Variants in SF3B6 observed in about 807,000 individuals in gnomAD.
SF3B6 encodes SF3b 14 kDa subunit.
SF3B6 carries 3 observed loss-of-function variants against 15.9 expected under a neutral mutation model. The observed-to-expected ratio is 0.19, with a 90% CI of 0.09 to 0.49. The LOEUF is 0.49. SF3B6 is among the 20% of genes least tolerant of loss of function. SF3B6 has a pLI of 0.97. For synonymous variants in SF3B6, 49 were observed against 51.1 expected (o/e 0.96, Z 0.18); for missense variants, 71 against 154.3 (o/e 0.46, Z 2.86).
chr2:24,075,353 C>T (rs986148170), intron 1 of SF3B6, among the ~76,000 whole-genome samples: 50 of 90,788 alleles, frequency 5.5e-4, no homozygotes, highest in African/African-American at 1.8e-3. Context: ...TTCTTTCTTT[C>T]TTTCTGTTTT....
rs769672970 is a variant in SF3B6 at position 24,068,278 on chromosome 2, C to G, written c.288+43G>C. ...GCGCCCGGCCAGTTCTACACTAATT[C>G]TCAAATGAGATCACTACACAATGAG... On this transcript the variant is annotated intron_variant, in intron 3 of 3. Coordinates refer to ENST00000233468, the MANE Select transcript of SF3B6 (RefSeq NM_016047.4). The G allele has an allele frequency of 1.3e-5, 20 of 1,578,310 alleles. 1 individual carries two copies. The highest frequency in any genetic ancestry group is 3.9e-4 in the Middle Eastern group (2 of 5,162).
chr2:24,068,162 A>G (rs1308026399), intron 3 of SF3B6, among the ~76,000 whole-genome samples, 159 bp downstream of exon 3: 2 of 152,054 alleles, frequency 1.3e-5, no homozygotes, highest in African/African-American at 2.4e-5. Flanking sequence ...ACGGGGTTTC[A>G]CCGTGTTAGC....
intron 2 of SF3B6, 43 bp downstream of exon 2, chr2:24,074,033 A>C: frequency 8.1e-7 from 1 of 1,228,450 alleles, no homozygotes; most frequent in Non-Finnish European, 1.2e-6. Context: ...CTGAAATTAC[A>C]GATTATGCTA....
intron 2 of SF3B6, among the ~76,000 whole-genome samples, chr2:24,071,103 C>T (rs1664645782): frequency 6.6e-6 from 1 of 152,122 alleles, no homozygotes; most frequent in Non-Finnish European, 1.5e-5. Context: ...AGCGGCTCTC[C>T]TGCCTCAGCC....
In SF3B6 at chr2:24,067,769, G is replaced by A. The variant is rs764931159; in HGVS notation, c.371C>T (p.Pro124Leu). The change falls in exon 4 of 4, where the codon CCA (proline) becomes CTA (leucine). Residue 124 changes from proline (P) to leucine (L), a missense_variant. By Grantham distance (98) the Pro-to-Leu change is moderately conservative. Transcript: ENST00000233468. ...KEKYGINTDP[P>L]K is the part of the protein sequence containing the mutation. ...TGAAAATGTAGAAAACATTTATTTT[G>A]GTGGATCTGTGTTGATGCCATATTT... is the stretch of plus-strand genomic sequence containing the variant. 4.3e-6 allele frequency: 7 copies of A among 1,611,796 alleles called. No individual in the cohort carries two copies. The highest frequency in any genetic ancestry group is 3.3e-5 in the Admixed American group (2 of 59,752).
chr2:24,067,980 CTT>C, intron 3 of SF3B6, 129 bp from the exon 4 acceptor site: 1 of 795,170 alleles, frequency 1.3e-6, no homozygotes, highest in Non-Finnish European at 2.1e-6. Flanking sequence ...CACTAATTCT[CTT>C]GAGACGGAGT....
intron 2 of SF3B6, among the ~76,000 whole-genome samples, chr2:24,073,105 G>A (rs1342967990): frequency 6.6e-6 from 1 of 152,096 alleles, no homozygotes; most frequent in African/African-American, 2.4e-5. Context: ...TCCAGCTCTT[G>A]GTTTACTCTC....
rs1016671886 is a variant in SF3B6, at chr2:24,074,264, A to G, written c.31-70T>C. ...AAAAAATTATAATTTAAATGCCCCT[A>G]TAATTAGGGGCATTTTAAAAAATTC... On this transcript the variant is annotated intron_variant, in intron 1 of 3. Coordinates refer to ENST00000233468, the MANE Select transcript of SF3B6 (RefSeq NM_016047.4). 1.3e-5 allele frequency: 10 copies of G among 742,022 alleles called. No homozygotes were observed. In the Admixed American group the frequency reaches 2.8e-4, roughly 21 times the overall value. The allele number at this position is 742,022 out of a possible 1,614,324, so 46.0% of individuals were successfully genotyped here. A position where few individuals can be genotyped will look rare whatever the true frequency, so the allele number is the denominator to read the frequency against.
chr2:24,071,592 C>T (rs765364926), intron 2 of SF3B6, among the ~76,000 whole-genome samples: 4 of 151,962 alleles, frequency 2.6e-5, no homozygotes, highest in Non-Finnish European at 4.4e-5. Context: ...GCAACAAGAG[C>T]GAAACTCCAT....
intron 2 of SF3B6, 169 bp downstream of exon 2, chr2:24,073,907 T>C (rs768848366): frequency 5.3e-5 from 29 of 551,786 alleles, no homozygotes; most frequent in Middle Eastern, 4.6e-4. Context: ...CAGTAGGTTT[T>C]CTCCCCCCTT....
rs766902243 is a variant in SF3B6, at chr2:24,074,246, T to A, written c.31-52A>T. 1.5e-5 allele frequency: 14 copies of A among 961,716 alleles called. No homozygotes were observed. The African/African-American group carries it at 2.2e-4, about 15-fold the overall frequency. The allele number at this position is 961,716 out of a possible 1,614,324, so 59.6% of individuals were successfully genotyped here. A position where few individuals can be genotyped will look rare whatever the true frequency, so the allele number is the denominator to read the frequency against. On this transcript the variant is annotated intron_variant, in intron 1 of 3. Transcript: ENST00000233468. ...TATAATTAGGGGCATTCTAAAAAATTATAATTTAAATGCCCCTATAATTAG... is the reference window on the plus strand; with the variant it reads ...TATAATTAGGGGCATTCTAAAAAATAATAATTTAAATGCCCCTATAATTAG...
At chr2:24,068,591 T>C in intron 2 of SF3B6, 132 bp from the exon 3 acceptor site, 1 of 814,456 alleles carries the variant, frequency 1.2e-6, no homozygotes, top group Non-Finnish European at 1.9e-6. Context: ...TAGTTAAGTA[T>C]TTTGAAATCA....
At chr2:24,073,415 G>T (rs958755074) in intron 2 of SF3B6, among the ~76,000 whole-genome samples, 1 of 152,036 alleles carries the variant, frequency 6.6e-6, no homozygotes, top group African/African-American at 2.4e-5. Context: ...AAGATAGAAA[G>T]GTACTTTACT....
rs1558355164 is a variant in SF3B6, at chr2:24,075,353, C to CTG, written c.30+846_30+847insCA. Among the ~76,000 whole-genome samples, 752 of 90,700 alleles carry CTG rather than the reference C, an allele frequency of 8.3e-3. 4 individuals carry two copies. The highest frequency in any genetic ancestry group is 0.026 in the African/African-American group (708 of 26,744). The allele number at this position is 90,700 out of a possible 152,430, so 59.5% of individuals were successfully genotyped here. Reference sequence around the variant, plus strand: ...TTGTCTTTTCTTTCTTTCTTTCTTTCTTTCTGTTTTTTTTTTTTTTTTTGA... The same window carrying CTG: ...TTGTCTTTTCTTTCTTTCTTTCTTTCTGTTTCTGTTTTTTTTTTTTTTTTTGA... On this transcript the variant is annotated intron_variant, in intron 1 of 3. Coordinates refer to ENST00000233468, the MANE Select transcript of SF3B6 (RefSeq NM_016047.4).
chr2:24,068,447 A>G lies in SF3B6; in HGVS notation c.162T>C (p.Pro54=). 6.2e-7 allele frequency: 1 copy of G among 1,612,608 alleles called. No individual in the cohort carries two copies. Among genetic ancestry groups the G allele is most frequent in the Non-Finnish European group, 8.5e-7 (1 of 1,179,488 alleles). ...PIRQIRVGNT[P]ETRGTAYVVY... Reference sequence around the variant, plus strand: ...CCACATAAGCTGTTCCTCTAGTTTCAGGTGTGTTCCCCCTGGAGAGGTAAG... The same window carrying G: ...CCACATAAGCTGTTCCTCTAGTTTCGGGTGTGTTCCCCCTGGAGAGGTAAG... Residue 54 remains proline, a synonymous_variant, in exon 3 of 4, where the codon CCT becomes CCC. Coordinates refer to ENST00000233468, the MANE Select transcript of SF3B6 (RefSeq NM_016047.4).
At chr2:24,070,511 G>A (rs183241800) in intron 2 of SF3B6, among the ~76,000 whole-genome samples, 2 of 152,322 alleles carry the variant, frequency 1.3e-5, no homozygotes, top group African/African-American at 2.4e-5. Flanking sequence ...TGTATCCAGT[G>A]CCATCAGGCT....
chr2:24,069,538 A>G (rs1027546376), intron 2 of SF3B6, among the ~76,000 whole-genome samples: 4 of 152,144 alleles, frequency 2.6e-5, no homozygotes, highest in African/African-American at 9.7e-5. Context: ...CTGTGTTCCA[A>G]CCACCCAGTG....
chr2:24,067,589 C>A lies in SF3B6; in HGVS notation c.*173G>T. 1.8e-6 allele frequency: 1 copy of A among 559,064 alleles called. No individual in the cohort carries two copies. Among genetic ancestry groups the A allele is most frequent in the Non-Finnish European group, 3.1e-6 (1 of 320,906 alleles). The allele number at this position is 559,064 out of a possible 1,614,324, so 34.6% of individuals were successfully genotyped here. A position where few individuals can be genotyped will look rare whatever the true frequency, so the allele number is the denominator to read the frequency against. ...TTCAAGAGAAAAGACTGAGGTGTTT[C>A]ACAAAAAGCTACAAGTTTATTAACA... On this transcript the variant is annotated 3_prime_UTR_variant, in exon 4 of 4. Coordinates refer to ENST00000233468, the MANE Select transcript of SF3B6 (RefSeq NM_016047.4).
chr2:24,068,692 T>C (rs1324025628), intron 2 of SF3B6, among the ~76,000 whole-genome samples: 1 of 152,248 alleles, frequency 6.6e-6, no homozygotes, highest in Non-Finnish European at 1.5e-5. Context: ...TTCGTTTTTA[T>C]CTTAACTAAA....
Sources: gnomAD v4.1 joint callset for allele counts (sites outside exome capture counted in the v4.1 genomes callset) on GRCh38, gnomAD v4.1.1 for gene constraint, MANE v1.5 for transcripts, NCBI Gene and HGNC (gene_info 2026-07-23, HGNC 2026-07-21) for gene names.